Variants in CHL1 observed in about 807,000 individuals in gnomAD.
CHL1 encodes neural cell adhesion molecule L1-like protein.
CHL1 carries 96 observed loss-of-function variants against 141.9 expected under a neutral mutation model. That is an observed-to-expected ratio of 0.68 (90% confidence interval 0.57 to 0.80). CHL1 has a LOEUF of 0.80. CHL1 is among the 30% of genes least tolerant of loss of function. CHL1 has a pLI of 0.00. For synonymous variants in CHL1, 613 were observed against 502.2 expected, an observed-to-expected ratio of 1.22 and a Z score of -2.95; for missense variants, 1,820 against 1,457.2, an observed-to-expected ratio of 1.25 and a Z score of -4.05.
chr3:206,029 G>A (rs1367620848), intron 1 of CHL1, among the ~76,000 whole-genome samples: 1 of 152,016 alleles, frequency 6.6e-6, no homozygotes, highest in Non-Finnish European at 1.5e-5. Context: ...CTTCACTATG[G>A]ACTAACACTC....
intron 7 of CHL1, among the ~76,000 whole-genome samples, chr3:342,732 A>G (rs1484952771): frequency 6.6e-6 from 1 of 152,170 alleles, no homozygotes; most frequent in Non-Finnish European, 1.5e-5. Context: ...GGGCTTCACT[A>G]TAACATTCTT....
At chr3:375,269 G>T (rs1489098902) in intron 15 of CHL1, among the ~76,000 whole-genome samples, 1 of 152,030 alleles carries the variant, frequency 6.6e-6, no homozygotes, top group Non-Finnish European at 1.5e-5. Context: ...AGGTAATGGG[G>T]ACTGTTCATG....
At chr3:354,330 T>C (rs1484897443) in intron 10 of CHL1, among the ~76,000 whole-genome samples, 1 of 152,114 alleles carries the variant, frequency 6.6e-6, no homozygotes, top group Non-Finnish European at 1.5e-5. Context: ...TCCCTCATTT[T>C]TTCCTAGTGG....
intron 14 of CHL1, among the ~76,000 whole-genome samples, chr3:364,604 T>C (rs1293929396): frequency 1.3e-5 from 2 of 152,172 alleles, no homozygotes; most frequent in Non-Finnish European, 2.9e-5. Context: ...GTTAAAAATA[T>C]ATACGAATCG....
At chr3:402,443 C>A (rs949467363) in intron 27 of CHL1, among the ~76,000 whole-genome samples, 4 of 152,184 alleles carry the variant, frequency 2.6e-5, no homozygotes, top group African/African-American at 7.2e-5. Flanking sequence ...ACTCTCTCAA[C>A]TTCTTAGTTC....
intron 2 of CHL1, among the ~76,000 whole-genome samples, chr3:313,978 T>C (rs1451534865): frequency 3.3e-5 from 5 of 152,180 alleles, no homozygotes; most frequent in Admixed American, 2.6e-4. Context: ...TTAAACTAAA[T>C]ATGCAGAACA....
intron 1 of CHL1, among the ~76,000 whole-genome samples, chr3:239,334 C>A (rs1292505348): frequency 2.0e-5 from 3 of 152,160 alleles, no homozygotes; most frequent in African/African-American, 7.2e-5. Context: ...AACTAGAGTT[C>A]TAAAAGGCTA....
chr3:391,131 G>A lies in CHL1; in HGVS notation c.2763G>A (p.Glu921=). The change falls in exon 22 of 28, where the codon GAG becomes GAA. Residue 921 remains glutamate (E), a synonymous_variant. Transcript: ENST00000256509. ...CTAAAGGAGCTGGTCCTGAAAGTGA[G>A]CCTTATATATTTCAAACACCAGAAG... is the stretch of plus-strand genomic sequence containing the variant. ...YNSKGAGPES[E]PYIFQTPEGV... is the part of the protein sequence containing the mutation. 1 of 1,613,424 alleles carries A rather than the reference G, an allele frequency of 6.2e-7. No homozygotes were observed. Among genetic ancestry groups the A allele is most frequent in the Non-Finnish European group, 8.5e-7 (1 of 1,179,436 alleles).
At chr3:336,532 T>A (rs1423444185) in intron 5 of CHL1, among the ~76,000 whole-genome samples, 1 of 152,148 alleles carries the variant, frequency 6.6e-6, no homozygotes, top group Non-Finnish European at 1.5e-5. Flanking sequence ...TCTACCCTGG[T>A]GAGGTGTTTG....
intron 14 of CHL1, among the ~76,000 whole-genome samples, chr3:365,312 T>C (rs1409827804): frequency 6.6e-6 from 1 of 152,238 alleles, no homozygotes; most frequent in Non-Finnish European, 1.5e-5. Flanking sequence ...TTTCATAATG[T>C]TGATAACTAC....
intron 5 of CHL1, among the ~76,000 whole-genome samples, chr3:339,934 C>A (rs17029824): frequency 0.028 from 4,193 of 152,234 alleles, 206 homozygotes; most frequent in African/African-American, 0.095. Context: ...TTCTCCTCCA[C>A]AAGAGACTGT....
chr3:294,786 G>A (rs1049003534), intron 2 of CHL1, among the ~76,000 whole-genome samples: 9 of 152,072 alleles, frequency 5.9e-5, no homozygotes, highest in South Asian at 2.1e-4. Flanking sequence ...TCAAAACTGC[G>A]GTCGACCACA....
At chr3:233,882 A>G (rs969708887) in intron 1 of CHL1, among the ~76,000 whole-genome samples, 3 of 152,098 alleles carry the variant, frequency 2.0e-5, no homozygotes, top group Non-Finnish European at 4.4e-5. Flanking sequence ...AGATTTTTCC[A>G]TTGGTAGTTG....
At chr3:312,795 A>G (rs929170285) in intron 2 of CHL1, among the ~76,000 whole-genome samples, 1 of 152,216 alleles carries the variant, frequency 6.6e-6, no homozygotes, top group Non-Finnish European at 1.5e-5. Context: ...GAGAGAAAAG[A>G]AAATTTAAAC....
At chr3:233,506 C>T (rs965095768) in intron 1 of CHL1, among the ~76,000 whole-genome samples, 16 of 152,096 alleles carry the variant, frequency 1.1e-4, no homozygotes, top group Admixed American at 3.3e-4. Context: ...AAAAATGTAA[C>T]GCATGATCAT....
At chr3:261,693 T>C (rs754680436) in intron 2 of CHL1, among the ~76,000 whole-genome samples, 2 of 152,136 alleles carry the variant, frequency 1.3e-5, no homozygotes, top group Non-Finnish European at 2.9e-5. Flanking sequence ...AGAATGAGTA[T>C]TTAGAAACAT....
At chr3:254,937 AACCCT>A (rs1694020591) in intron 2 of CHL1, among the ~76,000 whole-genome samples, 1 of 152,158 alleles carries the variant, frequency 6.6e-6, no homozygotes, top group Non-Finnish European at 1.5e-5. Flanking sequence ...GATGCATTCA[AACCCT>A]ACCATCATGC....
intron 13 of CHL1, among the ~76,000 whole-genome samples, chr3:362,617 T>C (rs544122682): frequency 9.0e-6 from 1 of 110,768 alleles, no homozygotes; most frequent in African/African-American, 3.1e-5. Context: ...ATCCACAGCT[T>C]ATCCTTAAAA....
In CHL1 at chr3:401,607, C is replaced by CT. The variant is rs1416712667; in HGVS notation, c.3386-12dup. ...AATGGTCACTGTATTACTTTTCCCACTTTTTTTCTCTTTTTTAGTTAAAGA... is the reference window on the plus strand; with the variant it reads ...AATGGTCACTGTATTACTTTTCCCACTTTTTTTTCTCTTTTTTAGTTAAAGA... On this transcript the variant is annotated intron_variant, in intron 26 of 27. Coordinates refer to ENST00000256509, the MANE Select transcript of CHL1 (RefSeq NM_006614.4). The CT allele has an allele frequency of 4.0e-6, 6 of 1,486,812 alleles. No homozygotes were observed. Among genetic ancestry groups the CT allele is most frequent in the East Asian group, 2.3e-5 (1 of 44,076 alleles). 92.1% of individuals were successfully genotyped at this position (1,486,812 alleles called of 1,614,324 possible).
Sources: gnomAD v4.1 joint callset for allele counts (sites outside exome capture counted in the v4.1 genomes callset) on GRCh38, gnomAD v4.1.1 for gene constraint, MANE v1.5 for transcripts, NCBI Gene and HGNC (gene_info 2026-07-23, HGNC 2026-07-21) for gene names.